TANGO6: variants seen among roughly 807,000 people sequenced by gnomAD.
The protein encoded by TANGO6 is transport and Golgi organization protein 6 homolog.
Under a neutral mutation model 114.2 loss-of-function variants are expected in TANGO6, and 90 were observed. That is an observed-to-expected ratio of 0.79 (90% confidence interval 0.66 to 0.94). The LOEUF (loss-of-function observed/expected upper bound fraction) is 0.94, where lower values mean the gene tolerates loss of function less well. Ranked by LOEUF, TANGO6 falls within the 40% of genes least tolerant of loss-of-function variation. TANGO6 has a pLI of 0.00. For missense variants in TANGO6, 1,274 were observed against 1,315.3 expected (o/e 0.97, Z 0.49); for synonymous variants, 477 against 509.8 (o/e 0.94, Z 0.87).
chr16:68,849,601 A>C (rs1335773932), intron 1 of TANGO6, among the ~76,000 whole-genome samples: 10 of 152,070 alleles, frequency 6.6e-5, no homozygotes, highest in Admixed American at 5.9e-4. Context: ...TTGAGGGTGC[A>C]ATGGACTATG....
intron 14 of TANGO6, among the ~76,000 whole-genome samples, chr16:68,950,301 C>T (rs1051262260): frequency 1.3e-5 from 2 of 152,190 alleles, no homozygotes; most frequent in Non-Finnish European, 2.9e-5. Context: ...CGTGGTGGCT[C>T]ATGCCTGTAA....
chr16:68,974,750 C>G (rs1377061108), intron 15 of TANGO6, among the ~76,000 whole-genome samples: 1 of 152,026 alleles, frequency 6.6e-6, no homozygotes, highest in African/African-American at 2.4e-5. Flanking sequence ...AATTAGAAGT[C>G]TCACACTTGA....
At chr16:68,908,688 G>A (rs1033225980) in intron 10 of TANGO6, among the ~76,000 whole-genome samples, 1 of 152,184 alleles carries the variant, frequency 6.6e-6, no homozygotes, top group Non-Finnish European at 1.5e-5. Flanking sequence ...TTAGAAGTTA[G>A]TTCTAAGTAT....
intron 7 of TANGO6, among the ~76,000 whole-genome samples, chr16:68,885,880 A>G (rs904475375): frequency 1.3e-5 from 2 of 152,130 alleles, no homozygotes; most frequent in Admixed American, 6.5e-5. Flanking sequence ...GTGTGAACCT[A>G]TGTTATCGTT....
Position 68,921,545 on chromosome 16 carries a change from GTTTTGTTTTT to G in TANGO6, c.2127+2332_2127+2341del, listed in dbSNP as rs577223526. ...GCCAAATAGATTTTTGTTTTGTTTT[GTTTTGTTTTT>G]TTTTGGTTGAATATTGATTTGAATA... On this transcript the variant is annotated intron_variant, in intron 12 of 17. Transcript: ENST00000261778. Among the ~76,000 whole-genome samples the G allele has an allele frequency of 4.6e-3, 475 of 103,120 alleles. 3 individuals are homozygous for G. Among genetic ancestry groups the G allele is most frequent in the African/African-American group, 0.017 (455 of 26,810 alleles). 67.7% of individuals were successfully genotyped at this position (103,120 alleles called of 152,430 possible).
chr16:68,850,015 C>T (rs111578982), intron 1 of TANGO6, among the ~76,000 whole-genome samples: 15,737 of 132,770 alleles, frequency 0.12, 858 homozygotes, highest in Middle Eastern at 0.16. Context: ...GCTCTGTTGT[C>T]CAGGCTGGAG....
intron 12 of TANGO6, among the ~76,000 whole-genome samples, chr16:68,920,937 C>T (rs1963082207): frequency 6.6e-6 from 1 of 151,612 alleles, no homozygotes; most frequent in East Asian, 2.0e-4. Context: ...CACAGTGAAA[C>T]TCCGTCTCTA....
chr16:69,036,520 T>C (rs950762257), intron 16 of TANGO6, among the ~76,000 whole-genome samples: 1 of 152,180 alleles, frequency 6.6e-6, no homozygotes, highest in African/African-American at 2.4e-5. Context: ...TTGTCCTGGA[T>C]GGCTGACTGC....
At chr16:68,902,252 C>A in intron 8 of TANGO6, 76 bp from the exon 9 acceptor site, 1 of 1,438,828 alleles carries the variant, frequency 7.0e-7, no homozygotes, top group Non-Finnish European at 9.4e-7. Context: ...GACAGCCTTT[C>A]TTTCTTTTTT....
chr16:68,973,061 C>G (rs1488725060), intron 14 of TANGO6: 1 of 452,302 alleles, frequency 2.2e-6, no homozygotes, highest in Admixed American at 2.4e-5. Context: ...AGAAGGGAAA[C>G]CACTGAGGGG....
chr16:69,047,756 A>T (rs1959885805), intron 17 of TANGO6, among the ~76,000 whole-genome samples: 1 of 152,182 alleles, frequency 6.6e-6, no homozygotes, highest in African/African-American at 2.4e-5. Context: ...TCTTAGAAGG[A>T]CTATAAAATA....
intron 14 of TANGO6, among the ~76,000 whole-genome samples, chr16:68,970,036 A>C (rs1364176834): frequency 1.3e-5 from 2 of 152,086 alleles, no homozygotes; most frequent in African/African-American, 4.8e-5. Flanking sequence ...TGTGGGTTTC[A>C]GGATCGAATC....
intron 15 of TANGO6, among the ~76,000 whole-genome samples, chr16:68,981,125 A>G (rs1386445015): frequency 6.6e-6 from 1 of 151,530 alleles, no homozygotes; most frequent in Non-Finnish European, 1.5e-5. Context: ...ATGTTTTTCC[A>G]TCTGTTTCCT....
At chr16:68,970,239 G>T (rs1211276829) in intron 14 of TANGO6, among the ~76,000 whole-genome samples, 1 of 152,234 alleles carries the variant, frequency 6.6e-6, no homozygotes, top group Admixed American at 6.5e-5. Context: ...TACCAGAAGA[G>T]AGAGTAGATG....
chr16:68,910,832 G>A (rs1962912899), intron 11 of TANGO6, among the ~76,000 whole-genome samples: 1 of 151,980 alleles, frequency 6.6e-6, no homozygotes, highest in Non-Finnish European at 1.5e-5. Context: ...GTGCACCATT[G>A]TGCCCAGCTA....
intron 3 of TANGO6, among the ~76,000 whole-genome samples, chr16:68,866,244 GT>G (rs547304926): frequency 7.9e-4 from 112 of 142,644 alleles, no homozygotes; most frequent in Middle Eastern, 3.8e-3. Context: ...GTTTTGTAAA[GT>G]TTTTTTTTTT....
chr16:68,979,521 C>T (rs754972560), intron 15 of TANGO6, among the ~76,000 whole-genome samples: 6 of 152,134 alleles, frequency 3.9e-5, no homozygotes, highest in East Asian at 1.9e-4. Context: ...TGAGCCACTG[C>T]GCCGGGCCCA....
intron 7 of TANGO6, among the ~76,000 whole-genome samples, chr16:68,883,017 C>T (rs909516773): frequency 6.6e-6 from 1 of 151,934 alleles, no homozygotes; most frequent in African/African-American, 2.4e-5. Flanking sequence ...GACTCTGTCT[C>T]AAAATAAATA....
chr16:69,000,588 T>G (rs1203080537), intron 15 of TANGO6, among the ~76,000 whole-genome samples: 2 of 152,110 alleles, frequency 1.3e-5, no homozygotes, highest in East Asian at 3.8e-4. Context: ...ACAAAAATCT[T>G]TCTTTTTTTT....
Sources: allele counts gnomAD v4.1 joint callset (sites outside exome capture counted in the v4.1 genomes callset), GRCh38; gene constraint gnomAD v4.1.1; transcripts MANE v1.5; gene names NCBI Gene and HGNC (gene_info 2026-07-23, HGNC 2026-07-21).